Variants in OR9Q1 observed in about 807,000 individuals in gnomAD.
OR9Q1 encodes olfactory receptor family 9 subfamily Q member 1.
For synonymous variants in OR9Q1, 153 were observed against 148.6 expected (o/e 1.03, Z -0.22); for missense variants, 374 against 378.8 (o/e 0.99, Z 0.11).
At chr11:58,114,553 G>A (rs1311757507) in intron 2 of OR9Q1, among the ~76,000 whole-genome samples, 1 of 152,102 alleles carries the variant, frequency 6.6e-6, no homozygotes, top group Non-Finnish European at 1.5e-5. Flanking sequence ...ATCTAGGTAG[G>A]CAAACATTGG....
At chr11:58,032,820 G>A (rs985334843) in intron 1 of OR9Q1, among the ~76,000 whole-genome samples, 4 of 152,032 alleles carry the variant, frequency 2.6e-5, no homozygotes, top group African/African-American at 4.8e-5. Context: ...TGACAAACAG[G>A]TAAACTACCA....
At chr11:58,079,246 CTTT>C (rs111619553) in intron 2 of OR9Q1, among the ~76,000 whole-genome samples, 1 of 143,872 alleles carries the variant, frequency 7.0e-6, no homozygotes, top group Admixed American at 7.0e-5. Flanking sequence ...AGTTCTGAGT[CTTT>C]TTTTTTTTTT....
intron 1 of OR9Q1, chr11:58,030,979 C>A (rs994660497): frequency 4.3e-6 from 7 of 1,613,852 alleles, no homozygotes; most frequent in Non-Finnish European, 4.2e-6. Flanking sequence ...AAAACTGGAC[C>A]CAGGTAACTG....
rs190156676 is a variant in OR9Q1 at position 58,086,387 on chromosome 11, C to A, written c.-15+30440C>A. 3.3e-5 allele frequency among the ~76,000 whole-genome samples: 5 copies of A among 151,882 alleles called. No individual in the cohort carries two copies. In the East Asian group the frequency reaches 5.8e-4, roughly 18 times the overall value. ...TTTGGTGAGGGTTTGGAGAAAGGGA[C>A]CCCTTGTGCACTGTTGGTGGTAACG... On this transcript the variant is annotated intron_variant, in intron 2 of 2. Coordinates refer to ENST00000335397, the MANE Select transcript of OR9Q1 (RefSeq NM_001005212.4).
At chr11:58,070,442 C>T (rs1853476792) in intron 2 of OR9Q1, among the ~76,000 whole-genome samples, 1 of 152,152 alleles carries the variant, frequency 6.6e-6, no homozygotes, top group South Asian at 2.1e-4. Flanking sequence ...CCACACACTC[C>T]TAGGTGTCTG....
intron 1 of OR9Q1, among the ~76,000 whole-genome samples, chr11:58,033,122 T>G (rs1248473346): frequency 6.6e-6 from 1 of 152,214 alleles, no homozygotes; most frequent in Non-Finnish European, 1.5e-5. Context: ...TTGGAGAGGT[T>G]GCAGAGAAAA....
At chr11:58,080,110 C>A (rs370627751) in intron 2 of OR9Q1, among the ~76,000 whole-genome samples, 3 of 151,910 alleles carry the variant, frequency 2.0e-5, no homozygotes, top group East Asian at 3.9e-4. Context: ...AGCATAGCAC[C>A]CAATAGGTAG....
At chr11:58,169,790 A>G (rs1429258922) in intron 2 of OR9Q1, among the ~76,000 whole-genome samples, 1 of 152,028 alleles carries the variant, frequency 6.6e-6, no homozygotes, top group East Asian at 1.9e-4. Flanking sequence ...AGGACGGGAC[A>G]TTTAGTATAA....
chr11:58,052,619 GAAAAA>G, intron 1 of OR9Q1, among the ~76,000 whole-genome samples: 1 of 50,266 alleles, frequency 2.0e-5, no homozygotes, highest in Admixed American at 2.3e-4. Context: ...AGAAAAAAAG[GAAAAA>G]AAAAAAAAAA....
intron 1 of OR9Q1, among the ~76,000 whole-genome samples, chr11:58,037,982 C>T (rs1360411704): frequency 5.4e-5 from 8 of 147,768 alleles, no homozygotes; most frequent in African/African-American, 7.5e-5. Flanking sequence ...CCGCCTGCCT[C>T]GGCCTCCCAA....
intron 2 of OR9Q1, among the ~76,000 whole-genome samples, chr11:58,163,754 C>A (rs1468505072): frequency 6.6e-6 from 1 of 152,034 alleles, no homozygotes; most frequent in Admixed American, 6.6e-5. Context: ...AATAGCTGGG[C>A]AGGGGGCCGT....
chr11:58,110,199 G>C (rs1168738375), intron 2 of OR9Q1, among the ~76,000 whole-genome samples: 10 of 152,138 alleles, frequency 6.6e-5, no homozygotes, highest in Non-Finnish European at 1.3e-4. Flanking sequence ...AAGCTAGATT[G>C]CTCTTTCTAT....
At chr11:58,066,056 G>A (rs982319372) in intron 2 of OR9Q1, among the ~76,000 whole-genome samples, 6 of 152,162 alleles carry the variant, frequency 3.9e-5, no homozygotes, top group African/African-American at 1.4e-4. Flanking sequence ...GACAGGTCTG[G>A]AGTCCCCAGC....
chr11:58,112,042 CT>C (rs760419285), intron 2 of OR9Q1, among the ~76,000 whole-genome samples: 12 of 151,798 alleles, frequency 7.9e-5, no homozygotes, highest in Admixed American at 2.6e-4. Context: ...AATCCCAGCA[CT>C]TTTGGAGGCA....
At chr11:58,174,705 T>C (rs779757651) in intron 2 of OR9Q1, among the ~76,000 whole-genome samples, 65 of 151,050 alleles carry the variant, frequency 4.3e-4, no homozygotes, top group Non-Finnish European at 8.3e-4. Flanking sequence ...AATTTTTCTC[T>C]ATTAGAGAAA....
rs572914731 is a variant in OR9Q1, at chr11:58,180,509, C to A, written c.*132C>A. On this transcript the variant is annotated 3_prime_UTR_variant, in exon 3 of 3. Coordinates refer to ENST00000335397, the MANE Select transcript of OR9Q1 (RefSeq NM_001005212.4). ...TACTAGGTATAAAAAAGAACCAGAA[C>A]TTTTAGCTCCAGGGAGAGGAAGGAA... 2.7e-5 allele frequency: 14 copies of A among 524,532 alleles called. No individual in the cohort carries two copies. Among genetic ancestry groups the A allele is most frequent in the African/African-American group, 2.5e-4 (13 of 52,370 alleles). The allele number at this position is 524,532 out of a possible 1,614,324, so 32.5% of individuals were successfully genotyped here.
At chr11:58,110,811 T>C (rs1051954558) in intron 2 of OR9Q1, among the ~76,000 whole-genome samples, 9 of 152,356 alleles carry the variant, frequency 5.9e-5, no homozygotes, top group African/African-American at 1.9e-4. Flanking sequence ...ATTCCCTTTC[T>C]GGTAGTGGAA....
At chr11:58,085,454 A>G (rs1422649637) in intron 2 of OR9Q1, among the ~76,000 whole-genome samples, 3 of 151,752 alleles carry the variant, frequency 2.0e-5, no homozygotes, top group Admixed American at 2.0e-4. Context: ...TAAATATCCA[A>G]TATCATATTT....
chr11:58,132,178 A>G (rs1040831644), intron 2 of OR9Q1, among the ~76,000 whole-genome samples: 2 of 152,148 alleles, frequency 1.3e-5, no homozygotes, highest in Non-Finnish European at 2.9e-5. Flanking sequence ...ATTTCCTCCA[A>G]CTGTTAACAG....
Sources: allele counts gnomAD v4.1 joint callset (sites outside exome capture counted in the v4.1 genomes callset), GRCh38; gene constraint gnomAD v4.1.1; transcripts MANE v1.5; gene names NCBI Gene and HGNC (gene_info 2026-07-23, HGNC 2026-07-21).